Variants in PCCA observed in about 807,000 individuals in gnomAD.
PCCA encodes the protein propionyl-CoA carboxylase alpha chain, mitochondrial.
Under a neutral mutation model 101.3 loss-of-function variants are expected in PCCA, and 74 were observed. That is an observed-to-expected ratio of 0.73 (90% confidence interval 0.61 to 0.89). The LOEUF (loss-of-function observed/expected upper bound fraction) is 0.89, where lower values mean the gene tolerates loss of function less well. PCCA is among the 40% of genes least tolerant of loss of function. PCCA has a pLI of 0.00. For missense variants in PCCA, 891 were observed against 907.0 expected, an observed-to-expected ratio of 0.98 and a Z score of 0.23; for synonymous variants, 294 against 313.6, an observed-to-expected ratio of 0.94 and a Z score of 0.66.
intron 21 of PCCA, among the ~76,000 whole-genome samples, chr13:100,451,634 C>T (rs983087817): frequency 6.6e-6 from 1 of 151,828 alleles, no homozygotes; most frequent in Admixed American, 6.6e-5. Context: ...TTTTTCCTCT[C>T]TCTGAAAATG....
At chr13:100,233,125 G>A (rs1023496319) in intron 7 of PCCA, among the ~76,000 whole-genome samples, 13 of 152,156 alleles carry the variant, frequency 8.5e-5, no homozygotes, top group African/African-American at 3.1e-4. Flanking sequence ...GGGTATATCT[G>A]TAGGATGACT....
At chr13:100,523,435 G>A (rs939922158) in intron 22 of PCCA, among the ~76,000 whole-genome samples, 5 of 152,196 alleles carry the variant, frequency 3.3e-5, no homozygotes, top group Admixed American at 2.0e-4. Context: ...TCATTTTGCC[G>A]ACCATGGCAA....
At chr13:100,204,935 A>C (rs2058761559) in intron 6 of PCCA, among the ~76,000 whole-genome samples, 1 of 152,074 alleles carries the variant, frequency 6.6e-6, no homozygotes, top group Non-Finnish European at 1.5e-5. Context: ...CTGGGACTAC[A>C]GGCACACTTG....
At chr13:100,444,929 AGTGTCTTTT>A (rs1369755890) in intron 20 of PCCA, among the ~76,000 whole-genome samples, 1 of 152,188 alleles carries the variant, frequency 6.6e-6, no homozygotes, top group African/African-American at 2.4e-5. Context: ...CTGTCTTAGT[AGTGTCTTTT>A]GTGTTGCTAC....
chr13:100,512,211 C>G (rs974919335), intron 21 of PCCA, among the ~76,000 whole-genome samples: 1 of 152,228 alleles, frequency 6.6e-6, no homozygotes, highest in Non-Finnish European at 1.5e-5. Flanking sequence ...GGCCTTCCTC[C>G]TGACCCTTTC....
chr13:100,312,444 G>T (rs1451957299), intron 16 of PCCA, among the ~76,000 whole-genome samples: 1 of 152,208 alleles, frequency 6.6e-6, no homozygotes, highest in Non-Finnish European at 1.5e-5. Context: ...GTAATGTCCT[G>T]TGTAGGTGAA....
At position 100,348,775 on chromosome 13, in the gene PCCA, TCTTTCTTTCTTTCTTCCTTCCTTCCTTC is replaced by T. The variant is rs1293517223; in HGVS notation, c.1643+8520_1643+8547del. ...TTCTTTCTTTCTTTCTTTCTTTCTT[TCTTTCTTTCTTTCTTCCTTCCTTCCTTC>T]CTTCCTTCCTTCCTTTCTTTCTTTT... On this transcript the variant is annotated intron_variant, in intron 18 of 23. Coordinates refer to ENST00000376285, the MANE Select transcript of PCCA (RefSeq NM_000282.4). Among the ~76,000 whole-genome samples the T allele has an allele frequency of 3.4e-4, 31 of 90,208 alleles. 1 individual carries two copies. The highest frequency in any genetic ancestry group is 5.2e-4 in the Non-Finnish European group (22 of 42,422). 59.2% of individuals were successfully genotyped at this position (90,208 alleles called of 152,430 possible).
chr13:100,225,178 G>T (rs1020496256), intron 7 of PCCA, among the ~76,000 whole-genome samples: 4 of 152,310 alleles, frequency 2.6e-5, no homozygotes, highest in South Asian at 2.1e-4. Flanking sequence ...ATAAAGTATT[G>T]TATGCAACAA....
intron 17 of PCCA, among the ~76,000 whole-genome samples, chr13:100,339,232 T>C (rs938723541): frequency 6.6e-6 from 1 of 152,170 alleles, no homozygotes; most frequent in Non-Finnish European, 1.5e-5. Flanking sequence ...AAAAAGCCTG[T>C]ACATGTTCAG....
intron 20 of PCCA, among the ~76,000 whole-genome samples, chr13:100,431,735 G>A (rs563017039): frequency 5.6e-4 from 85 of 151,978 alleles, no homozygotes; most frequent in African/African-American, 2.0e-3. Context: ...GTGTGGTGGC[G>A]GGCGCCTGTA....
intron 21 of PCCA, among the ~76,000 whole-genome samples, chr13:100,478,225 C>A (rs1230615046): frequency 6.6e-6 from 1 of 152,192 alleles, no homozygotes; most frequent in Non-Finnish European, 1.5e-5. Context: ...AGTCTTGTCT[C>A]CTCCAGAGAA....
intron 12 of PCCA, among the ~76,000 whole-genome samples, chr13:100,291,475 A>G (rs956069027): frequency 6.6e-6 from 1 of 152,176 alleles, no homozygotes; most frequent in Admixed American, 6.5e-5. Flanking sequence ...TTAAGTTTTT[A>G]AGTGCCTTTA....
chr13:100,508,977 GTA>G (rs2086277908), intron 21 of PCCA, among the ~76,000 whole-genome samples: 1 of 152,114 alleles, frequency 6.6e-6, no homozygotes, highest in African/African-American at 2.4e-5. Context: ...GCAGTCAGAC[GTA>G]TAATAAGGGC....
At chr13:100,414,714 T>G (rs1489217184) in intron 19 of PCCA, among the ~76,000 whole-genome samples, 13 of 152,202 alleles carry the variant, frequency 8.5e-5, no homozygotes, top group Non-Finnish European at 1.8e-4. Context: ...GGTGGTAATG[T>G]CACAGTGTAA....
intron 19 of PCCA, among the ~76,000 whole-genome samples, chr13:100,422,062 CTCTTTTCT>C (rs1208614909): frequency 1.8e-5 from 1 of 56,146 alleles, no homozygotes; most frequent in Non-Finnish European, 3.8e-5. Context: ...CTTTTCTCTT[CTCTTTTCT>C]TTTCTTTCTT....
At chr13:100,332,218 G>A (rs1030582353) in intron 17 of PCCA, among the ~76,000 whole-genome samples, 11 of 152,090 alleles carry the variant, frequency 7.2e-5, no homozygotes, top group Non-Finnish European at 1.2e-4. Flanking sequence ...GATTACAGGC[G>A]TGAGCTACCG....
intron 19 of PCCA, among the ~76,000 whole-genome samples, chr13:100,384,605 T>C (rs921311786): frequency 2.6e-5 from 4 of 152,196 alleles, no homozygotes; most frequent in African/African-American, 9.6e-5. Flanking sequence ...TGTGGTTCTT[T>C]TAAAGAGTTA....
intron 4 of PCCA, among the ~76,000 whole-genome samples, chr13:100,145,801 G>A (rs1382567254): frequency 6.6e-6 from 1 of 151,098 alleles, no homozygotes; most frequent in Non-Finnish European, 1.5e-5. Flanking sequence ...GGTGGAGGTT[G>A]CGGTGAGCCA....
At chr13:100,220,445 T>TG (rs1251202928) in intron 7 of PCCA, among the ~76,000 whole-genome samples, 9 of 150,028 alleles carry the variant, frequency 6.0e-5, no homozygotes, top group Non-Finnish European at 1.3e-4. Context: ...TTTTTTTTTT[T>TG]GGTATTTCTA....
Sources: allele counts gnomAD v4.1 joint callset (sites outside exome capture counted in the v4.1 genomes callset), GRCh38; gene constraint gnomAD v4.1.1; transcripts MANE v1.5; gene names NCBI Gene and HGNC (gene_info 2026-07-23, HGNC 2026-07-21).